Variants in RARS2 observed in about 807,000 individuals in gnomAD.
RARS2 encodes arginyl-tRNA synthetase 2, mitochondrial, also known as probable arginine--tRNA ligase, mitochondrial.
In RARS2, 67 loss-of-function variants were observed where a neutral mutation model predicts 88.5. That is an observed-to-expected ratio of 0.76 (90% CI 0.62 to 0.93). The LOEUF (loss-of-function observed/expected upper bound fraction) is 0.93, where lower values mean the gene tolerates loss of function less well. Ranked by LOEUF, RARS2 falls within the 40% of genes least tolerant of loss-of-function variation. The pLI is 0.00. For synonymous variants in RARS2, 239 were observed against 230.3 expected (o/e 1.04, Z -0.34); for missense variants, 664 against 684.2 (o/e 0.97, Z 0.33).
intron 4 of RARS2, among the ~76,000 whole-genome samples, chr6:87,557,527 T>C (rs2059461957): frequency 6.6e-6 from 1 of 152,200 alleles, no homozygotes; most frequent in African/African-American, 2.4e-5. Flanking sequence ...TAACCCTCTA[T>C]CTACTGATTT....
At chr6:87,581,286 T>C (rs921898127) in intron 1 of RARS2, among the ~76,000 whole-genome samples, 2 of 152,164 alleles carry the variant, frequency 1.3e-5, no homozygotes, top group African/African-American at 2.4e-5. Flanking sequence ...ACTGACATCA[T>C]CTTATGAAGA....
At chr6:87,571,803 T>C (rs7742607) in intron 1 of RARS2, among the ~76,000 whole-genome samples, 11,259 of 152,266 alleles carry the variant, frequency 0.074, 606 homozygotes, top group African/African-American at 0.15. Context: ...TTGCCCAAAC[T>C]TGCAGACCTG....
chr6:87,562,242 A>T (rs1788060686), intron 4 of RARS2, among the ~76,000 whole-genome samples: 1 of 152,192 alleles, frequency 6.6e-6, no homozygotes, highest in African/African-American at 2.4e-5. Flanking sequence ...TAGATGATAC[A>T]GTCTACTATA....
In RARS2 at chr6:87,518,680, A is replaced by G; in HGVS notation, c.1365T>C (p.Ser455=). The change falls in exon 16 of 20, where the codon AGT becomes AGC. Residue 455 remains serine, a synonymous_variant. Coordinates refer to ENST00000369536, the MANE Select transcript of RARS2 (RefSeq NM_020320.5). Reference sequence around the variant, plus strand: ...GTAGGAAGACTCCTGTGTCCCCGCGACTCTGGAAAACACGATCCCAGCTGA... The same window carrying G: ...GTAGGAAGACTCCTGTGTCCCCGCGGCTCTGGAAAACACGATCCCAGCTGA... The part of the protein sequence containing the change: ...YKFSWDRVFQ[S]RGDTGVFLQY... The G allele has an allele frequency of 6.2e-7, 1 of 1,613,928 alleles. No homozygotes were observed. The highest frequency in any genetic ancestry group is 8.5e-7 in the Non-Finnish European group (1 of 1,179,944).
intron 10 of RARS2, among the ~76,000 whole-genome samples, chr6:87,526,836 A>G (rs1407397760): frequency 1.3e-5 from 2 of 151,636 alleles, no homozygotes; most frequent in Non-Finnish European, 2.9e-5. Context: ...ACACCCAGCT[A>G]ATTTTTGTAT....
Position 87,572,231 on chromosome 6 carries a change from T to A in RARS2, c.37-2641A>T, listed in dbSNP as rs144643775. 8.5e-5 allele frequency among the ~76,000 whole-genome samples: 13 copies of A among 152,274 alleles called. No homozygotes were observed. In the East Asian group the frequency reaches 2.3e-3, roughly 27 times the overall value. On this transcript the variant is annotated intron_variant, in intron 1 of 19. Transcript: ENST00000369536. ...ATACGGGGATAATAAATCTGTTAAA[T>A]AATAAACTAGGGCTCTTGTGATGAC...
At chr6:87,580,248 G>C (rs973256009) in intron 1 of RARS2, among the ~76,000 whole-genome samples, 1 of 152,120 alleles carries the variant, frequency 6.6e-6, no homozygotes, top group African/African-American at 2.4e-5. Context: ...TCTAGGACTA[G>C]CACAAGCGAA....
At chr6:87,573,527 T>C (rs999800588) in intron 1 of RARS2, among the ~76,000 whole-genome samples, 2 of 152,164 alleles carry the variant, frequency 1.3e-5, no homozygotes, top group African/African-American at 4.8e-5. Context: ...GTGGAGTTAT[T>C]GTTTAATGGG....
chr6:87,537,817 A>G (rs1779667117), intron 8 of RARS2, among the ~76,000 whole-genome samples: 1 of 152,236 alleles, frequency 6.6e-6, no homozygotes, highest in South Asian at 2.1e-4. Context: ...CAATACACCA[A>G]GCACTTTCCA....
chr6:87,548,548 C>T, intron 6 of RARS2, 43 bp downstream of exon 6: 1 of 1,572,786 alleles, frequency 6.4e-7, no homozygotes, highest in Middle Eastern at 1.8e-4. Context: ...CAAATACTTC[C>T]TCAAAGGAAC....
intron 5 of RARS2, among the ~76,000 whole-genome samples, chr6:87,550,765 C>T (rs962653284): frequency 6.8e-6 from 1 of 146,126 alleles, no homozygotes; most frequent in African/African-American, 2.5e-5. Flanking sequence ...TAAGCCAGCC[C>T]TGGATGCATT....
At chr6:87,566,918 G>A (rs146642516) in intron 2 of RARS2, among the ~76,000 whole-genome samples, 1 of 150,644 alleles carries the variant, frequency 6.6e-6, no homozygotes, top group East Asian at 2.0e-4. Flanking sequence ...ACAAAACTGA[G>A]CCAGGCATGG....
chr6:87,518,582 C>A, intron 16 of RARS2, 48 bp downstream of exon 16: 1 of 1,546,174 alleles, frequency 6.5e-7, no homozygotes, highest in Non-Finnish European at 8.9e-7. Context: ...AGGACCTAGC[C>A]TAAGTAAGCA....
intron 8 of RARS2, among the ~76,000 whole-genome samples, chr6:87,537,768 TA>T (rs1779656278): frequency 1.3e-5 from 2 of 152,222 alleles, no homozygotes; most frequent in Admixed American, 6.5e-5. Context: ...CAGATTATCT[TA>T]AAGTTTTCCT....
chr6:87,560,813 G>A (rs1455732095), intron 4 of RARS2, among the ~76,000 whole-genome samples: 1 of 152,168 alleles, frequency 6.6e-6, no homozygotes, highest in Non-Finnish European at 1.5e-5. Flanking sequence ...GCTTGAACCC[G>A]GGAGGTGGAG....
chr6:87,577,286 G>C (rs1315216004), intron 1 of RARS2, among the ~76,000 whole-genome samples: 2 of 152,136 alleles, frequency 1.3e-5, no homozygotes, highest in African/African-American at 2.4e-5. Flanking sequence ...CCAACTCCTG[G>C]GCTCAATCAG....
intron 16 of RARS2, 44 bp downstream of exon 16, chr6:87,518,582 CTAAG>C (rs764280940): frequency 1.3e-6 from 2 of 1,546,174 alleles, no homozygotes; most frequent in East Asian, 2.2e-5. Context: ...AGGACCTAGC[CTAAG>C]TAAGCACAGT....
At chr6:87,530,239 A>G (rs1777031593) in intron 9 of RARS2, among the ~76,000 whole-genome samples, 2 of 152,146 alleles carry the variant, frequency 1.3e-5, no homozygotes, top group African/African-American at 2.4e-5. Context: ...CATCTTGCTT[A>G]CTTACTCCAG....
At chr6:87,543,445 C>T (rs538390624) in intron 7 of RARS2, among the ~76,000 whole-genome samples, 1 of 151,742 alleles carries the variant, frequency 6.6e-6, no homozygotes, top group African/African-American at 2.4e-5. Context: ...AGTTTGACAC[C>T]AGCCTGATGA....
Sources: allele counts gnomAD v4.1 joint callset (sites outside exome capture counted in the v4.1 genomes callset), GRCh38; gene constraint gnomAD v4.1.1; transcripts MANE v1.5; gene names NCBI Gene and HGNC (gene_info 2026-07-23, HGNC 2026-07-21).